Variants in RAB11A observed in about 807,000 individuals in gnomAD.
RAB11A encodes ras-related protein Rab-11A.
A neutral mutation model predicts 28.0 loss-of-function variants in RAB11A; 9 were observed. The observed-to-expected ratio is 0.32, with a 90% CI of 0.19 to 0.56. The LOEUF (loss-of-function observed/expected upper bound fraction) is 0.56. RAB11A is among the 20% of genes least tolerant of loss of function. The pLI is 0.91. For synonymous variants in RAB11A, 85 were observed against 88.2 expected, an observed-to-expected ratio of 0.96 and a Z score of 0.20; for missense variants, 108 against 269.6, an observed-to-expected ratio of 0.40 and a Z score of 4.20.
intron 3 of RAB11A, chr15:65,878,178 C>T (rs1404190415): frequency 3.4e-6 from 2 of 596,434 alleles, no homozygotes; most frequent in South Asian, 1.8e-5. Flanking sequence ...TATATTCTGT[C>T]TCTTTTTCTG....
intron 1 of RAB11A, 26 bp downstream of exon 1, chr15:65,869,651 A>AC (rs769389550): frequency 1.2e-6 from 2 of 1,604,270 alleles, no homozygotes; most frequent in Non-Finnish European, 8.5e-7. Context: ...CTCGCACTCT[A>AC]CACAGTCCTC....
chr15:65,890,437 C>G lies in RAB11A; in HGVS notation c.*2597C>G, dbSNP rs2078284824. The stretch of plus-strand genomic sequence containing the variant: ...TGATTTAATCTTATGTCATTGTTCT[C>G]AAATGCCATGATTTCTCTTTAATAG... On this transcript the variant is annotated 3_prime_UTR_variant, in exon 5 of 5. Transcript: ENST00000261890. 1.3e-5 allele frequency: 2 copies of G among 152,044 alleles called. No individual in the cohort carries two copies. The highest frequency in any genetic ancestry group is 4.2e-4 in the South Asian group (2 of 4,816). 9.4% of individuals were successfully genotyped at this position (152,044 alleles called of 1,614,324 possible). A position where few individuals can be genotyped will look rare whatever the true frequency, so the allele number is the denominator to read the frequency against.
rs189633056 is a variant in RAB11A, at chr15:65,888,035, C to T, written c.*195C>T. The T allele has an allele frequency of 1.7e-3, 848 of 499,638 alleles. 6 individuals carry two copies. The highest frequency in any genetic ancestry group is 2.2e-4 in the Non-Finnish European group (68 of 302,594). 31.0% of individuals were successfully genotyped at this position (499,638 alleles called of 1,614,324 possible). On this transcript the variant is annotated 3_prime_UTR_variant, in exon 5 of 5. Coordinates refer to ENST00000261890, the MANE Select transcript of RAB11A (RefSeq NM_004663.5). The stretch of plus-strand genomic sequence containing the variant: ...CGAATGACTGCAGCTTTTTTTCATG[C>T]TATGGCTTCACTAGCCTTAGTTTAA...
chr15:65,869,682 C>A, intron 1 of RAB11A, 57 bp downstream of exon 1: 1 of 1,557,254 alleles, frequency 6.4e-7, no homozygotes, highest in Non-Finnish European at 8.8e-7. Flanking sequence ...CCGGGCCACT[C>A]CCGGTGGACC....
At chr15:65,884,029 T>C (rs920202185) in intron 4 of RAB11A, among the ~76,000 whole-genome samples, 1 of 152,090 alleles carries the variant, frequency 6.6e-6, no homozygotes, top group Non-Finnish European at 1.5e-5. Context: ...TCTTAGATTC[T>C]TTTGTGGGGG....
chr15:65,886,528 T>C (rs578052267), intron 4 of RAB11A, among the ~76,000 whole-genome samples: 55 of 152,340 alleles, frequency 3.6e-4, no homozygotes, highest in Middle Eastern at 3.4e-3. Flanking sequence ...TTTAGAATTA[T>C]CTTGCTTTTT....
rs780363017 is a variant in RAB11A, at chr15:65,890,915, C to T, written c.*3075C>T. ...TCTGATGTCTCACAAATATCACATACCTGGAAAAAAATTAAAACAAAAAAT... is the reference window on the plus strand; with the variant it reads ...TCTGATGTCTCACAAATATCACATATCTGGAAAAAAATTAAAACAAAAAAT... On this transcript the variant is annotated 3_prime_UTR_variant, in exon 5 of 5. Transcript: ENST00000261890. 3 of 152,086 alleles carry T rather than the reference C, an allele frequency of 2.0e-5. No individual in the cohort carries two copies. Among genetic ancestry groups the T allele is most frequent in the African/African-American group, 7.2e-5 (3 of 41,402 alleles). The allele number at this position is 152,086 out of a possible 1,614,324, so 9.4% of individuals were successfully genotyped here.
intron 4 of RAB11A, among the ~76,000 whole-genome samples, chr15:65,882,779 C>T (rs2078230742): frequency 6.6e-6 from 1 of 152,236 alleles, no homozygotes; most frequent in African/African-American, 2.4e-5. Context: ...ATTGCTCCGC[C>T]TCTGAATTTC....
In RAB11A at chr15:65,891,555, TTAAA is replaced by T. The variant is rs1335316913; in HGVS notation, c.*3720_*3723del. On this transcript the variant is annotated 3_prime_UTR_variant, in exon 5 of 5. Transcript: ENST00000261890. ...TCTTCCAATTAATGAGGGTACCAGA[TTAAA>T]TAAACTCTGGGGATTCATCCCAATT... The T allele has an allele frequency of 6.6e-5, 10 of 152,180 alleles. No homozygotes were observed. Among genetic ancestry groups the T allele is most frequent in the Admixed American group, 6.5e-4 (10 of 15,278 alleles). The allele number at this position is 152,180 out of a possible 1,614,324, so 9.4% of individuals were successfully genotyped here.
At chr15:65,882,132 G>T (rs1345251716) in intron 4 of RAB11A, among the ~76,000 whole-genome samples, 2 of 152,094 alleles carry the variant, frequency 1.3e-5, no homozygotes, top group Admixed American at 1.3e-4. Context: ...CTTAATTGTT[G>T]CTTGAAAGCA....
chr15:65,883,611 CCT>C (rs769703180), intron 4 of RAB11A, among the ~76,000 whole-genome samples: 6 of 151,142 alleles, frequency 4.0e-5, no homozygotes, highest in Non-Finnish European at 7.4e-5. Flanking sequence ...TTTTTTTTCC[CCT>C]GAGTCTTGTT....
chr15:65,884,552 A>G (rs955083280), intron 4 of RAB11A, among the ~76,000 whole-genome samples: 2 of 152,206 alleles, frequency 1.3e-5, no homozygotes, highest in South Asian at 4.1e-4. Flanking sequence ...AAGAGATCTC[A>G]TTACAAAGCA....
At chr15:65,879,003 T>C (rs1003913722) in intron 3 of RAB11A, among the ~76,000 whole-genome samples, 1 of 151,462 alleles carries the variant, frequency 6.6e-6, no homozygotes, top group Non-Finnish European at 1.5e-5. Context: ...TTTTTTTTTT[T>C]TTTTTTGGGA....
At chr15:65,887,647 C>G (rs945164504) in intron 4 of RAB11A, 54 bp from the exon 5 acceptor site, 2 of 1,493,700 alleles carry the variant, frequency 1.3e-6, no homozygotes, top group African/African-American at 2.9e-5. Flanking sequence ...ATCTTTTATC[C>G]TAACTATGAT....
rs955751990 is a variant in RAB11A at position 65,891,729 on chromosome 15, T to G, written c.*3889T>G. 1 of 152,252 alleles carries G rather than the reference T, an allele frequency of 6.6e-6. No individual in the cohort carries two copies. The highest frequency in any genetic ancestry group is 6.5e-5 in the Admixed American group (1 of 15,286). 9.4% of individuals were successfully genotyped at this position (152,252 alleles called of 1,614,324 possible). On this transcript the variant is annotated 3_prime_UTR_variant, in exon 5 of 5. Transcript: ENST00000261890. Reference sequence around the variant, plus strand: ...TTTGGTCTTATCACAATAACCTGATTAAAATGGTGCCTTTATTTCCATGTT... The same window carrying G: ...TTTGGTCTTATCACAATAACCTGATGAAAATGGTGCCTTTATTTCCATGTT...
At position 65,879,822 on chromosome 15, in the gene RAB11A, C is replaced by T. The variant is rs535328149; in HGVS notation, c.511+71C>T. On this transcript the variant is annotated intron_variant, in intron 4 of 4. Transcript: ENST00000261890. ...AGGAAGGTAATTTAAACAAACTAAT[C>T]AGTAACTAAACTATATATCAGCCGA... 1.6e-5 allele frequency: 19 copies of T among 1,175,738 alleles called. No homozygotes were observed. The African/African-American group carries it at 2.2e-4, about 13-fold the overall frequency. The allele number at this position is 1,175,738 out of a possible 1,614,324, so 72.8% of individuals were successfully genotyped here. A position where few individuals can be genotyped will look rare whatever the true frequency, so the allele number is the denominator to read the frequency against.
At chr15:65,879,152 T>C (rs374478030) in intron 3 of RAB11A, among the ~76,000 whole-genome samples, 2 of 152,134 alleles carry the variant, frequency 1.3e-5, no homozygotes, top group South Asian at 2.1e-4. Flanking sequence ...GTCACCACGC[T>C]CAGCTAATTT....
In RAB11A at chr15:65,890,790, G is replaced by T. The variant is rs1160555892; in HGVS notation, c.*2950G>T. On this transcript the variant is annotated 3_prime_UTR_variant, in exon 5 of 5. Transcript: ENST00000261890. ...GTTTTGGCCAACACTAGAAGCAAAA[G>T]AATTCAAAGGCTGGGTGGATATTTA... The T allele has an allele frequency of 6.6e-6, 1 of 152,190 alleles. No homozygotes were observed. The highest frequency in any genetic ancestry group is 1.5e-5 in the Non-Finnish European group (1 of 68,034). The allele number at this position is 152,190 out of a possible 1,614,324, so 9.4% of individuals were successfully genotyped here. A position where few individuals can be genotyped will look rare whatever the true frequency, so the allele number is the denominator to read the frequency against.
rs978271592 is a variant in RAB11A at position 65,889,892 on chromosome 15, CTT to C, written c.*2054_*2055del. On this transcript the variant is annotated 3_prime_UTR_variant, in exon 5 of 5. Coordinates refer to ENST00000261890, the MANE Select transcript of RAB11A (RefSeq NM_004663.5). ...GGAAATATTAGGTATTAGAAAATGA[CTT>C]TGATTGCATTTCAGCAGGTGTCTTT... The C allele has an allele frequency of 1.3e-5, 2 of 152,054 alleles. No individual in the cohort carries two copies. Among genetic ancestry groups the C allele is most frequent in the African/African-American group, 4.8e-5 (2 of 41,366 alleles). 9.4% of individuals were successfully genotyped at this position (152,054 alleles called of 1,614,324 possible).
Sources: gnomAD v4.1 joint callset for allele counts (sites outside exome capture counted in the v4.1 genomes callset) on GRCh38, gnomAD v4.1.1 for gene constraint, MANE v1.5 for transcripts, NCBI Gene and HGNC (gene_info 2026-07-23, HGNC 2026-07-21) for gene names.